SMURF1: variants seen among roughly 807,000 people sequenced by gnomAD.
SMURF1 encodes SMAD specific E3 ubiquitin protein ligase 1.
Under a neutral mutation model 98.0 loss-of-function variants are expected in SMURF1, and 44 were observed. The observed-to-expected ratio is 0.45, with a 90% CI of 0.35 to 0.58. The LOEUF (loss-of-function observed/expected upper bound fraction) is 0.58, where lower values mean the gene tolerates loss of function less well. Ranked by LOEUF, SMURF1 falls within the 20% of genes least tolerant of loss-of-function variation. The probability of loss-of-function intolerance (pLI) is 0.00; values close to 1 mark genes in which losing one functional copy is unlikely to be tolerated. For synonymous variants in SMURF1, 396 were observed against 374.9 expected, an observed-to-expected ratio of 1.06 and a Z score of -0.65; for missense variants, 687 against 938.4, an observed-to-expected ratio of 0.73 and a Z score of 3.50.
rs1261411101 is a variant in SMURF1, at chr7:99,038,382, C to T, written c.1688+6G>A. On this transcript the variant is annotated splice_donor_region_variant and intron_variant, in intron 14 of 17. Coordinates refer to ENST00000361368, the MANE Select transcript of SMURF1 (RefSeq NM_181349.3). ...GCACCTGGCCGTCCCCGACAGGTGGCATTACCGGACGTATTCTTTCTTATT... is the reference window on the plus strand; with the variant it reads ...GCACCTGGCCGTCCCCGACAGGTGGTATTACCGGACGTATTCTTTCTTATT... The T allele has an allele frequency of 6.2e-7, 1 of 1,613,456 alleles. No homozygotes were observed. Among genetic ancestry groups the T allele is most frequent in the East Asian group, 2.2e-5 (1 of 44,892 alleles).
intron 1 of SMURF1, among the ~76,000 whole-genome samples, chr7:99,088,317 C>T (rs928300018): frequency 4.0e-5 from 6 of 151,872 alleles, no homozygotes; most frequent in African/African-American, 1.2e-4. Context: ...ACTGACGTCA[C>T]TGATGACCTT....
At chr7:99,054,404 TCAAG>T (rs961611774) in intron 6 of SMURF1, among the ~76,000 whole-genome samples, 1 of 152,070 alleles carries the variant, frequency 6.6e-6, no homozygotes, top group Non-Finnish European at 1.5e-5. Flanking sequence ...CCTCCCGGGT[TCAAG>T]CAATTCTCCT....
In SMURF1 at chr7:99,124,075, A is replaced by C. The variant is rs150281040; in HGVS notation, c.55+19651T>G. On this transcript the variant is annotated intron_variant, in intron 1 of 17. Transcript: ENST00000361368. The stretch of plus-strand genomic sequence containing the variant: ...TCCATTGCATCTCACCGTCTCAAAA[A>C]TAGGGACAAGAATACGACCTATCTT... Among the ~76,000 whole-genome samples the C allele has an allele frequency of 8.1e-4, 124 of 152,368 alleles. 1 individual carries two copies. The highest frequency in any genetic ancestry group is 1.3e-3 in the Non-Finnish European group (91 of 68,044).
intron 1 of SMURF1, among the ~76,000 whole-genome samples, chr7:99,142,157 C>CGCG (rs1047697991): frequency 2.0e-5 from 3 of 152,194 alleles, no homozygotes; most frequent in Non-Finnish European, 4.4e-5. Context: ...GTCGCAGGCC[C>CGCG]GCGGCAGAGC....
intron 1 of SMURF1, among the ~76,000 whole-genome samples, chr7:99,132,808 T>A (rs1294671299): frequency 1.3e-5 from 2 of 151,882 alleles, no homozygotes; most frequent in Admixed American, 1.3e-4. Flanking sequence ...AGGCAGAACC[T>A]GGCACAGAGG....
intron 1 of SMURF1, among the ~76,000 whole-genome samples, chr7:99,064,131 G>A (rs1796133378): frequency 6.6e-6 from 1 of 152,170 alleles, no homozygotes; most frequent in Non-Finnish European, 1.5e-5. Context: ...CTTGGTCACG[G>A]TACACAGTCC....
intron 10 of SMURF1, among the ~76,000 whole-genome samples, chr7:99,046,864 G>C (rs969696442): frequency 1.3e-5 from 2 of 152,116 alleles, no homozygotes; most frequent in African/African-American, 4.8e-5. Context: ...ACATGCAGCA[G>C]GCAGGGCTGG....
chr7:99,081,905 G>C (rs1419694869), intron 1 of SMURF1, among the ~76,000 whole-genome samples: 1 of 152,142 alleles, frequency 6.6e-6, no homozygotes, highest in Non-Finnish European at 1.5e-5. Flanking sequence ...CACCTGCCTT[G>C]GCCTCCCAAA....
At chr7:99,034,936 C>T (rs1224226061) in intron 16 of SMURF1, among the ~76,000 whole-genome samples, 1 of 152,252 alleles carries the variant, frequency 6.6e-6, no homozygotes, top group African/African-American at 2.4e-5. Context: ...TGACACCCTT[C>T]ACTCACCTCA....
intron 8 of SMURF1, chr7:99,049,939 G>A (rs748698839): frequency 2.6e-5 from 11 of 424,874 alleles, no homozygotes; most frequent in African/African-American, 8.1e-5. Flanking sequence ...CAGGCTGGGC[G>A]CGGTAGCTCA....
chr7:99,045,280 C>T (rs1389319787), intron 11 of SMURF1, among the ~76,000 whole-genome samples: 4 of 152,150 alleles, frequency 2.6e-5, no homozygotes. Context: ...TACAAAATTC[C>T]TTTGACACAA....
At chr7:99,112,590 A>G (rs972975461) in intron 1 of SMURF1, among the ~76,000 whole-genome samples, 11 of 152,238 alleles carry the variant, frequency 7.2e-5, no homozygotes, top group Non-Finnish European at 1.3e-4. Flanking sequence ...CAAAAAAATT[A>G]CAAGACATAA....
chr7:99,134,335 C>T (rs968301742), intron 1 of SMURF1, among the ~76,000 whole-genome samples: 2 of 152,046 alleles, frequency 1.3e-5, no homozygotes, highest in African/African-American at 4.8e-5. Flanking sequence ...ATTTCCTCAC[C>T]AGGCTCAAGT....
rs181159194 is a variant in SMURF1, at chr7:99,033,201, G to A, written c.2012-80C>T. On this transcript the variant is annotated intron_variant, in intron 16 of 17. Transcript: ENST00000361368. ...CCGGCCACACAGCCCCCAGGAGCAG[G>A]GCCCTGACCACATTCCCACCCCCAC... The A allele has an allele frequency of 3.6e-6, 5 of 1,401,580 alleles. No individual in the cohort carries two copies. The East Asian group carries it at 1.3e-4, about 35-fold the overall frequency. The allele number at this position is 1,401,580 out of a possible 1,614,324, so 86.8% of individuals were successfully genotyped here.
intron 1 of SMURF1, among the ~76,000 whole-genome samples, chr7:99,089,894 A>G (rs1169998010): frequency 3.3e-5 from 5 of 152,152 alleles, no homozygotes; most frequent in African/African-American, 9.7e-5. Context: ...TGCTCACTTA[A>G]ACCTCCAAGG....
rs1795240849 is a variant in SMURF1, at chr7:99,038,429, T to A, written c.1647A>T (p.Arg549Ser). ...TATTCTCCTCTGTGACTGGCACATT[T>A]CTGCCATTGGGTTTCAGTTCATGCT... ...ILQHELKPNG[R>S]NVPVTEENKK... Residue 549 changes from arginine to serine, a missense_variant, in exon 14 of 18, where the codon AGA (arginine) becomes AGT (serine). Arg to Ser is a moderately radical substitution (Grantham distance 110). Transcript: ENST00000361368. 1 of 1,614,254 alleles carries A rather than the reference T, an allele frequency of 6.2e-7. No individual in the cohort carries two copies. The highest frequency in any genetic ancestry group is 8.5e-7 in the Non-Finnish European group (1 of 1,180,042).
chr7:99,092,942 A>G (rs1796848810), intron 1 of SMURF1, among the ~76,000 whole-genome samples: 1 of 152,098 alleles, frequency 6.6e-6, no homozygotes, highest in African/African-American at 2.4e-5. Flanking sequence ...TTTATAGAAC[A>G]CACCTACTGA....
In SMURF1 at chr7:99,032,199, AAC is replaced by A. The variant is rs1346374945; in HGVS notation, c.2096+836_2096+837del. On this transcript the variant is annotated intron_variant, in intron 17 of 17. Transcript: ENST00000361368. ...TGGAGTGGTAGCCACACTCCACTGA[AAC>A]ACCAATATTAATTAATTACATGGCT... Among the ~76,000 whole-genome samples, 10 of 152,318 alleles carry A rather than the reference AAC, an allele frequency of 6.6e-5. No homozygotes were observed. In the East Asian group the frequency reaches 1.7e-3, roughly 26 times the overall value.
rs1402234107 is a variant in SMURF1 at position 99,054,802 on chromosome 7, AAC to A, written c.465_466del (p.Leu156ArgfsTer3). The stretch of plus-strand genomic sequence containing the variant: ...TGGTTATACGTACCCTTCATTTTCT[AAC>A]AGTCCTCTGCAGTCCACCACCGAGC... On this transcript the variant is annotated frameshift_variant, in exon 6 of 18. Transcript: ENST00000361368. LOFTEE classifies it high-confidence loss of function. The A allele has an allele frequency of 6.2e-7, 1 of 1,613,854 alleles. No individual in the cohort carries two copies. Among genetic ancestry groups the A allele is most frequent in the Non-Finnish European group, 8.5e-7 (1 of 1,179,974 alleles).
Sources: gnomAD v4.1 joint callset for allele counts (sites outside exome capture counted in the v4.1 genomes callset) on GRCh38, gnomAD v4.1.1 for gene constraint, MANE v1.5 for transcripts, NCBI Gene and HGNC (gene_info 2026-07-23, HGNC 2026-07-21) for gene names.